The following NPTN variants were observed in gnomAD, a reference collection of about 807,000 sequenced individuals.
NPTN encodes the protein neuroplastin, also known as SDR-1.
A neutral mutation model predicts 42.7 loss-of-function variants in NPTN; 5 were observed. The observed-to-expected ratio is 0.12, with a 90% CI of 0.06 to 0.25. NPTN has a LOEUF of 0.25. NPTN is among the 10% of genes least tolerant of loss of function. The probability of loss-of-function intolerance (pLI) is 1.00; values close to 1 mark genes in which losing one functional copy is unlikely to be tolerated. For missense variants in NPTN, 307 were observed against 525.4 expected (o/e 0.58, Z 4.06); for synonymous variants, 180 against 201.9 (o/e 0.89, Z 0.92).
At chr15:73,614,698 GA>G (rs370976130) in intron 1 of NPTN, among the ~76,000 whole-genome samples, 2,299 of 152,026 alleles carry the variant, frequency 0.015, 78 homozygotes, top group African/African-American at 0.052. Flanking sequence ...GAAGGATTAA[GA>G]AAAAAATCCT....
At chr15:73,563,068 A>T (rs1428600952) in intron 7 of NPTN, among the ~76,000 whole-genome samples, 168 bp downstream of exon 7, 1 of 152,158 alleles carries the variant, frequency 6.6e-6, no homozygotes, top group Non-Finnish European at 1.5e-5. Context: ...TATCCTGAGA[A>T]TCAAGTGGTT....
chr15:73,608,022 T>C (rs13380245), intron 1 of NPTN, among the ~76,000 whole-genome samples: 24,867 of 152,140 alleles, frequency 0.16, 3,148 homozygotes, highest in African/African-American at 0.35. Context: ...CATATAAAGA[T>C]TCTCCCAACA....
chr15:73,569,607 C>G lies in NPTN; in HGVS notation c.1114+543G>C, dbSNP rs1257696782. The G allele has an allele frequency of 1.0e-6, 1 of 985,354 alleles. No individual in the cohort carries two copies. The highest frequency in any genetic ancestry group is 1.2e-6 in the Non-Finnish European group (1 of 829,948). 61.0% of individuals were successfully genotyped at this position (985,354 alleles called of 1,614,324 possible). ...CCTATCAAAGGGACCAACCAAGGAA[C>G]CAAAAGCTGGCTTGTTCCAATGGCT... On this transcript the variant is annotated intron_variant, in intron 6 of 8. Transcript: ENST00000345330. This position sits in a 1 kb window ranked among gnomAD's most constrained non-coding sequence, Gnocchi z 4.1.
In NPTN at chr15:73,606,816, T is replaced by G. The variant is rs1897312608; in HGVS notation, c.92-9447A>C. Among the ~76,000 whole-genome samples the G allele has an allele frequency of 5.3e-5, 8 of 152,222 alleles. No individual in the cohort carries two copies. In the South Asian group the frequency reaches 1.7e-3, roughly 32 times the overall value. Reference sequence around the variant, plus strand: ...TTCAATTCGACAAAGATTCTTTGCTTGACCAATATGTAGGCTTCTGAACCT... The same window carrying G: ...TTCAATTCGACAAAGATTCTTTGCTGGACCAATATGTAGGCTTCTGAACCT... On this transcript the variant is annotated intron_variant, in intron 1 of 8. Transcript: ENST00000345330.
At chr15:73,628,623 CAG>C (rs1316737674) in intron 1 of NPTN, among the ~76,000 whole-genome samples, 1 of 152,146 alleles carries the variant, frequency 6.6e-6, no homozygotes, top group African/African-American at 2.4e-5. Context: ...CAGCAAGTTT[CAG>C]AGTTTACACA....
chr15:73,582,398 A>G (rs1282530610), intron 4 of NPTN, among the ~76,000 whole-genome samples: 1 of 152,210 alleles, frequency 6.6e-6, no homozygotes, highest in Non-Finnish European at 1.5e-5. Flanking sequence ...AAGAAGGAAT[A>G]TGAGATCAGT....
intron 6 of NPTN, chr15:73,566,999 GGGCTTTTTTTTTTTTTTTTTTTTTAA>G (rs1256459076): frequency 2.3e-6 from 2 of 880,156 alleles, no homozygotes; most frequent in African/African-American, 4.5e-5. Flanking sequence ...AAAAGACATG[GGGCTTTTTTTTTTTTTTTTTTTTTAA>G]AGGAAGCAGC....
In NPTN at chr15:73,633,142, G is replaced by A; in HGVS notation, c.74C>T (p.Pro25Leu). The A allele has an allele frequency of 6.7e-7, 1 of 1,497,410 alleles. No individual in the cohort carries two copies. The highest frequency in any genetic ancestry group is 8.8e-7 in the Non-Finnish European group (1 of 1,131,054). The allele number at this position is 1,497,410 out of a possible 1,614,324, so 92.8% of individuals were successfully genotyped here. A position where few individuals can be genotyped will look rare whatever the true frequency, so the allele number is the denominator to read the frequency against. ...CCGCTTACCGTTCTGAGCGGCGCCT[G>A]GCCCTGGGAGGAGGGAGCCAGAGAC... Reference protein sequence around the residue: ...LLVSGSLLPGPGAAQNAGFVK... With the variant: ...LLVSGSLLPGLGAAQNAGFVK... The change falls in exon 1 of 9, where the codon CCA (proline) becomes CTA (leucine). Residue 25 changes from proline to leucine, a missense_variant. Transcript: ENST00000345330.
chr15:73,569,466 G>T lies in NPTN; in HGVS notation c.1114+684C>A. On this transcript the variant is annotated intron_variant, in intron 6 of 8. Coordinates refer to ENST00000345330, the MANE Select transcript of NPTN (RefSeq NM_012428.4). The surrounding 1 kb of genome is among the most constrained non-coding windows in gnomAD (Gnocchi z 4.1). ...CTTGAGGGCACAGCCTCGGGGCATG[G>T]ACTCCATTTGTTCCGCCTTTGCTAT... 1 of 985,424 alleles carries T rather than the reference G, an allele frequency of 1.0e-6. No individual in the cohort carries two copies. Among genetic ancestry groups the T allele is most frequent in the Non-Finnish European group, 1.2e-6 (1 of 829,942 alleles). The allele number at this position is 985,424 out of a possible 1,614,324, so 61.0% of individuals were successfully genotyped here. A position where few individuals can be genotyped will look rare whatever the true frequency, so the allele number is the denominator to read the frequency against.
Position 73,597,774 on chromosome 15 carries a change from AG to A in NPTN, c.92-406del, listed in dbSNP as rs1896894981. Among the ~76,000 whole-genome samples the A allele has an allele frequency of 6.6e-6, 1 of 152,246 alleles. No individual in the cohort carries two copies. The highest frequency in any genetic ancestry group is 2.4e-5 in the African/African-American group (1 of 41,466). ...CTCAGGCAAGTGATGAAAGATAACC[AG>A]AAGAGGCAGTAGTTTTATATGCCAA... On this transcript the variant is annotated intron_variant, in intron 1 of 8. Transcript: ENST00000345330. This position sits in a 1 kb window ranked among gnomAD's most constrained non-coding sequence, Gnocchi z 6.3.
At chr15:73,625,329 A>C (rs1267649593) in intron 1 of NPTN, among the ~76,000 whole-genome samples, 1 of 152,196 alleles carries the variant, frequency 6.6e-6, no homozygotes, top group Non-Finnish European at 1.5e-5. Context: ...TCACAGACAA[A>C]AAAGTTTGAA....
At chr15:73,627,429 A>G (rs1898476021) in intron 1 of NPTN, among the ~76,000 whole-genome samples, 1 of 152,236 alleles carries the variant, frequency 6.6e-6, no homozygotes, top group South Asian at 2.1e-4. Flanking sequence ...ACTACATTCT[A>G]TTTTAATGAA....
chr15:73,596,819 G>A (rs1160990064), intron 2 of NPTN, among the ~76,000 whole-genome samples: 1 of 151,788 alleles, frequency 6.6e-6, no homozygotes, highest in African/African-American at 2.4e-5. Context: ...GAGGCAGAGA[G>A]AACGGCAAAG....
chr15:73,561,369 T>C (rs1894653009), intron 8 of NPTN, among the ~76,000 whole-genome samples: 1 of 152,214 alleles, frequency 6.6e-6, no homozygotes, highest in Non-Finnish European at 1.5e-5. Context: ...ATGGCATTTA[T>C]ATAAACATGT....
chr15:73,579,876 A>G (rs1294949955), intron 4 of NPTN, among the ~76,000 whole-genome samples: 1 of 152,150 alleles, frequency 6.6e-6, no homozygotes, highest in East Asian at 1.9e-4. Context: ...CAGCTTGACC[A>G]AAATCTCAGG....
In NPTN at chr15:73,599,140, GC is replaced by G. The variant is rs1462155957; in HGVS notation, c.92-1772del. Among the ~76,000 whole-genome samples, 10 of 152,066 alleles carry G rather than the reference GC, an allele frequency of 6.6e-5. 1 individual carries two copies. Among genetic ancestry groups the G allele is most frequent in the African/African-American group, 2.4e-4 (10 of 41,388 alleles). ...AAATATCTACCAGAGGCCCCAAGAA[GC>G]CCAACAGATGTCATTCTCAGATGCA... On this transcript the variant is annotated intron_variant, in intron 1 of 8. Coordinates refer to ENST00000345330, the MANE Select transcript of NPTN (RefSeq NM_012428.4).
At chr15:73,586,809 G>A (rs191513060) in intron 4 of NPTN, among the ~76,000 whole-genome samples, 5 of 152,304 alleles carry the variant, frequency 3.3e-5, no homozygotes, top group Admixed American at 6.5e-5. Flanking sequence ...ACATTGGATT[G>A]GGGGTCAAGA....
chr15:73,581,015 T>C (rs1896017443), intron 4 of NPTN, among the ~76,000 whole-genome samples: 1 of 152,152 alleles, frequency 6.6e-6, no homozygotes, highest in African/African-American at 2.4e-5. Flanking sequence ...AGAACATGGT[T>C]GGAACTCAGG....
chr15:73,568,317 A>G (rs1473032448), intron 6 of NPTN: 7 of 985,302 alleles, frequency 7.1e-6, no homozygotes, highest in Non-Finnish European at 8.4e-6. Flanking sequence ...CTTAAAATTT[A>G]AAAATCAGGT....
Sources: allele counts gnomAD v4.1 joint callset (sites outside exome capture counted in the v4.1 genomes callset), GRCh38; gene constraint gnomAD v4.1.1; non-coding constraint Gnocchi (gnomAD v3.1); transcripts MANE v1.5; gene names NCBI Gene and HGNC (gene_info 2026-07-23, HGNC 2026-07-21).